IGSF21: variants seen among roughly 807,000 people sequenced by gnomAD.
IGSF21 encodes the protein immunoglobin superfamily member 21, also known as immunoglobulin superfamily member 21.
Under a neutral mutation model 46.8 loss-of-function variants are expected in IGSF21, and 28 were observed. The ratio of observed to expected loss-of-function variants is 0.60; its 90% confidence interval spans 0.44 to 0.82. IGSF21 has a LOEUF of 0.82. IGSF21 is among the 40% of genes least tolerant of loss of function. The probability of loss-of-function intolerance (pLI) is 0.00; values close to 1 mark genes in which losing one functional copy is unlikely to be tolerated. For missense variants in IGSF21, 624 were observed against 665.5 expected (o/e 0.94, Z 0.69); for synonymous variants, 284 against 273.6 (o/e 1.04, Z -0.38).
chr1:18,321,472 G>C (rs1186825722), intron 3 of IGSF21, among the ~76,000 whole-genome samples: 1 of 152,224 alleles, frequency 6.6e-6, no homozygotes, highest in Admixed American at 6.5e-5. Flanking sequence ...CATTTGGAAA[G>C]CTGTAATAAA....
chr1:18,185,560 C>T (rs886593177), intron 1 of IGSF21, among the ~76,000 whole-genome samples: 1 of 152,186 alleles, frequency 6.6e-6, no homozygotes, highest in Non-Finnish European at 1.5e-5. Flanking sequence ...TATTGTTACA[C>T]TGGGCAGATC....
intron 2 of IGSF21, among the ~76,000 whole-genome samples, chr1:18,244,383 T>G (rs2084763543): frequency 6.6e-6 from 1 of 152,160 alleles, no homozygotes. Flanking sequence ...CACCTAGGTG[T>G]TGGGCTGTGA....
chr1:18,190,967 T>G (rs568733536), intron 1 of IGSF21, among the ~76,000 whole-genome samples: 1 of 152,288 alleles, frequency 6.6e-6, no homozygotes, highest in South Asian at 2.1e-4. Context: ...CTGCTGGGGC[T>G]GACACATCGC....
intron 1 of IGSF21, among the ~76,000 whole-genome samples, chr1:18,195,245 G>A (rs12046227): frequency 0.29 from 43,603 of 151,878 alleles, 6,958 homozygotes; most frequent in South Asian, 0.36. Context: ...ACCCAAGAGC[G>A]TCTTTGATGA....
chr1:18,276,556 AC>A (rs200075031), intron 2 of IGSF21, among the ~76,000 whole-genome samples: 1 of 151,716 alleles, frequency 6.6e-6, no homozygotes, highest in South Asian at 2.1e-4. Context: ...GAGATCGTAG[AC>A]CCCCCGACCC....
At chr1:18,128,571 G>A (rs1350306486) in intron 1 of IGSF21, among the ~76,000 whole-genome samples, 1 of 152,166 alleles carries the variant, frequency 6.6e-6, no homozygotes, top group African/African-American at 2.4e-5. Flanking sequence ...TTGGCCCTGG[G>A]GAGACCCGAG....
At chr1:18,270,459 G>A (rs1369789778) in intron 2 of IGSF21, among the ~76,000 whole-genome samples, 1 of 152,218 alleles carries the variant, frequency 6.6e-6, no homozygotes, top group Non-Finnish European at 1.5e-5. Context: ...CCTCTCCAGG[G>A]CAGCCTCGGG....
intron 1 of IGSF21, chr1:18,115,617 G>A (rs926380327): frequency 3.3e-5 from 5 of 152,068 alleles, no homozygotes; most frequent in African/African-American, 1.2e-4. Context: ...CCATTCCATG[G>A]ACCACAGTGG....
intron 1 of IGSF21, among the ~76,000 whole-genome samples, chr1:18,209,621 ATTTT>A (rs35745482): frequency 1.5e-5 from 2 of 133,840 alleles, no homozygotes; most frequent in Non-Finnish European, 3.2e-5. Context: ...CACCTGGCTA[ATTTT>A]TTTTTTTTTT....
chr1:18,126,100 CT>C (rs1441559011), intron 1 of IGSF21, among the ~76,000 whole-genome samples: 1 of 152,084 alleles, frequency 6.6e-6, no homozygotes, highest in East Asian at 1.9e-4. Context: ...TCAAACTGTG[CT>C]CCTTTGAACC....
At chr1:18,153,765 G>A (rs553560937) in intron 1 of IGSF21, among the ~76,000 whole-genome samples, 7 of 152,220 alleles carry the variant, frequency 4.6e-5, no homozygotes, top group Non-Finnish European at 1.0e-4. Flanking sequence ...CAGGACTTGA[G>A]TTCCGTTGGT....
chr1:18,238,633 G>A (rs900986556), intron 2 of IGSF21, among the ~76,000 whole-genome samples: 8 of 151,990 alleles, frequency 5.3e-5, no homozygotes, highest in Non-Finnish European at 1.2e-4. Flanking sequence ...GAGAGGGGGT[G>A]CCAACAGCTG....
chr1:18,258,988 C>T (rs928928240), intron 2 of IGSF21, among the ~76,000 whole-genome samples: 1 of 152,194 alleles, frequency 6.6e-6, no homozygotes, highest in Non-Finnish European at 1.5e-5. Flanking sequence ...TTTTCCCTCT[C>T]TCTCCCTTTG....
intron 2 of IGSF21, among the ~76,000 whole-genome samples, chr1:18,257,478 A>G (rs1054884200): frequency 6.6e-6 from 1 of 152,176 alleles, no homozygotes; most frequent in African/African-American, 2.4e-5. Context: ...CTGTATAGGT[A>G]CTTTCCCCAT....
intron 4 of IGSF21, among the ~76,000 whole-genome samples, chr1:18,357,112 T>C (rs1220791265): frequency 7.4e-6 from 1 of 135,492 alleles, no homozygotes; most frequent in Non-Finnish European, 1.5e-5. Context: ...AAGATAAGAA[T>C]AGAGAAGGAG....
intron 1 of IGSF21, among the ~76,000 whole-genome samples, chr1:18,216,161 G>T (rs2084443524): frequency 6.6e-6 from 1 of 152,104 alleles, no homozygotes. Flanking sequence ...CCATCACATT[G>T]AACCTGGAAG....
chr1:18,309,752 G>A (rs188800829), intron 3 of IGSF21, among the ~76,000 whole-genome samples: 73 of 152,232 alleles, frequency 4.8e-4, no homozygotes, highest in Non-Finnish European at 8.1e-4. Flanking sequence ...GAGGTGCTGC[G>A]GTCTGACAGA....
intron 2 of IGSF21, among the ~76,000 whole-genome samples, chr1:18,279,331 A>G (rs1231464115): frequency 3.3e-5 from 5 of 152,222 alleles, no homozygotes; most frequent in Non-Finnish European, 5.9e-5. Flanking sequence ...CTAGGAGAAG[A>G]GGGACATTGT....
intron 1 of IGSF21, among the ~76,000 whole-genome samples, chr1:18,218,801 G>A (rs2084478904): frequency 6.6e-6 from 1 of 152,178 alleles, no homozygotes; most frequent in South Asian, 2.1e-4. Context: ...AGATTTTGAG[G>A]CAGCTATGAA....
Sources: allele counts gnomAD v4.1 joint callset (sites outside exome capture counted in the v4.1 genomes callset), GRCh38; gene constraint gnomAD v4.1.1; transcripts MANE v1.5; gene names NCBI Gene and HGNC (gene_info 2026-07-23, HGNC 2026-07-21).